SOX5: variants seen among roughly 807,000 people sequenced by gnomAD.
The protein encoded by SOX5 is SRY-box transcription factor 5.
In SOX5, 9 loss-of-function variants were observed where a neutral mutation model predicts 92.0. The ratio of observed to expected loss-of-function variants is 0.10; its 90% CI spans 0.06 to 0.17. The LOEUF (loss-of-function observed/expected upper bound fraction) is 0.17. Among genes scored for constraint, SOX5 ranks in the 10% least tolerant of loss-of-function variants. The probability of loss-of-function intolerance (pLI) is 1.00; values close to 1 mark genes in which losing one functional copy is unlikely to be tolerated. For missense variants in SOX5, 642 were observed against 944.5 expected (o/e 0.68, Z 4.20); for synonymous variants, 344 against 336.3 (o/e 1.02, Z -0.25).
At chr12:23,808,485 T>C (rs1281941732) in intron 3 of SOX5, among the ~76,000 whole-genome samples, 1 of 152,160 alleles carries the variant, frequency 6.6e-6, no homozygotes, top group African/African-American at 2.4e-5. Context: ...CAAATATTAA[T>C]TTAAAATAAC....
At position 24,085,331 on chromosome 12, in the gene SOX5, A is replaced by T. The variant is rs1224679425; in HGVS notation, c.-2+128012T>A. ...ACTCTGCTATATGTGCCCCAGATAC[A>T]CTATCTCAGTTCATTCTCACCATGG... On this transcript the variant is annotated intron_variant, in intron 4 of 4. Transcript: ENST00000446891. 2.6e-5 allele frequency among the ~76,000 whole-genome samples: 4 copies of T among 152,038 alleles called. 1 individual carries two copies. Among genetic ancestry groups the T allele is most frequent in the Admixed American group, 2.0e-4 (3 of 15,254 alleles).
At chr12:24,221,354 G>T (rs1021753117) in intron 3 of SOX5, among the ~76,000 whole-genome samples, 13 of 152,010 alleles carry the variant, frequency 8.6e-5, no homozygotes, top group African/African-American at 3.1e-4. Context: ...TTATAACCAT[G>T]TCTATTTTGT....
rs1290909755 is a variant in SOX5 at position 24,145,320 on chromosome 12, A to G, written c.-2+68023T>C. Among the ~76,000 whole-genome samples, 5 of 152,340 alleles carry G rather than the reference A, an allele frequency of 3.3e-5. No individual in the cohort carries two copies. In the East Asian group the frequency reaches 7.7e-4, roughly 23 times the overall value. On this transcript the variant is annotated intron_variant, in intron 4 of 4. Coordinates refer to the SOX5 transcript ENST00000446891. ...AAATAGAAAACAAATGCAAGATGGT[A>G]GATTTAAATCCAACCATGACAATAA...
chr12:24,240,747 C>A (rs1412027942), intron 3 of SOX5, among the ~76,000 whole-genome samples: 3 of 152,114 alleles, frequency 2.0e-5, no homozygotes, highest in Non-Finnish European at 4.4e-5. Flanking sequence ...AAATTCACTG[C>A]AAAGTTACAT....
chr12:23,933,089 G>T (rs1433460608), intron 1 of SOX5, among the ~76,000 whole-genome samples: 5 of 151,442 alleles, frequency 3.3e-5, no homozygotes, highest in Non-Finnish European at 7.4e-5. Context: ...ACATAGTTTT[G>T]CTTTCTGAAG....
intron 3 of SOX5, among the ~76,000 whole-genome samples, chr12:23,831,190 T>C (rs555384175): frequency 1.3e-5 from 2 of 152,232 alleles, no homozygotes; most frequent in Admixed American, 6.5e-5. Flanking sequence ...ACAAGTATCA[T>C]AGAAGGTGCA....
intron 1 of SOX5, among the ~76,000 whole-genome samples, chr12:24,460,083 T>C (rs1428842607): frequency 6.6e-6 from 1 of 152,194 alleles, no homozygotes; most frequent in African/African-American, 2.4e-5. Context: ...CCTATCTGTA[T>C]TGATATCAGA....
chr12:24,450,007 ACT>A (rs778331008), intron 1 of SOX5, among the ~76,000 whole-genome samples: 9 of 151,968 alleles, frequency 5.9e-5, no homozygotes, highest in Non-Finnish European at 1.2e-4. Flanking sequence ...CTTTTGACAC[ACT>A]CTCTGTAAAA....
chr12:24,372,228 G>A (rs558565062), intron 1 of SOX5, among the ~76,000 whole-genome samples: 9 of 152,206 alleles, frequency 5.9e-5, no homozygotes, highest in Middle Eastern at 3.4e-3. Context: ...TTGGTTTCCT[G>A]CACTCATCAA....
chr12:23,537,451 A>G (rs540779838), intron 13 of SOX5, among the ~76,000 whole-genome samples: 2 of 152,300 alleles, frequency 1.3e-5, no homozygotes, highest in Non-Finnish European at 2.9e-5. Context: ...TTGTGCTATA[A>G]TGTATGCCCT....
At position 24,461,799 on chromosome 12, in the gene SOX5, A is replaced by G. The variant is rs74443468; in HGVS notation, c.-250-93160T>C. The stretch of plus-strand genomic sequence containing the variant: ...TTCTCTTGAATAGCTTCAATGCTTT[A>G]AAGTTTATAATAACTACAAATCAAT... On this transcript the variant is annotated intron_variant, in intron 1 of 4. Transcript: ENST00000446891. 3.2e-3 allele frequency among the ~76,000 whole-genome samples: 484 copies of G among 151,772 alleles called. 4 individuals carry two copies. Among genetic ancestry groups the G allele is most frequent in the East Asian group, 0.013 (66 of 5,190 alleles).
At chr12:24,262,779 A>G (rs1942351741) in intron 3 of SOX5, among the ~76,000 whole-genome samples, 1 of 152,214 alleles carries the variant, frequency 6.6e-6, no homozygotes, top group South Asian at 2.1e-4. Context: ...CTCTGCAACA[A>G]CCAGCTTTCT....
intron 6 of SOX5, among the ~76,000 whole-genome samples, chr12:23,710,285 C>T (rs1333733473): frequency 1.3e-5 from 2 of 152,102 alleles, no homozygotes; most frequent in Non-Finnish European, 2.9e-5. Flanking sequence ...TACATGTGCA[C>T]AACGTGCAGG....
intron 1 of SOX5, among the ~76,000 whole-genome samples, chr12:24,394,310 G>A (rs780372941): frequency 1.3e-5 from 2 of 152,106 alleles, no homozygotes; most frequent in Non-Finnish European, 2.9e-5. Context: ...AGCACAGAGA[G>A]GTGCCAGGTA....
intron 1 of SOX5, among the ~76,000 whole-genome samples, chr12:24,469,447 T>C (rs950641426): frequency 1.3e-5 from 2 of 152,218 alleles, no homozygotes; most frequent in African/African-American, 4.8e-5. Flanking sequence ...TGCTCCTTTT[T>C]CTACAGCTCT....
At chr12:23,778,084 C>A (rs2095163705) in intron 3 of SOX5, among the ~76,000 whole-genome samples, 1 of 152,208 alleles carries the variant, frequency 6.6e-6, no homozygotes, top group African/African-American at 2.4e-5. Context: ...TGATAGTCTT[C>A]ATCATGGAAA....
At chr12:24,291,739 G>A (rs191480354) in intron 2 of SOX5, among the ~76,000 whole-genome samples, 71 of 152,250 alleles carry the variant, frequency 4.7e-4, no homozygotes, top group Admixed American at 4.4e-3. Context: ...TAGAAAGTGA[G>A]GTGACAAGTA....
chr12:23,697,787 G>C (rs1243561681), intron 6 of SOX5, among the ~76,000 whole-genome samples: 3 of 152,164 alleles, frequency 2.0e-5, no homozygotes. Flanking sequence ...CTGACCTCAA[G>C]AGATCTGCCT....
intron 4 of SOX5, among the ~76,000 whole-genome samples, chr12:24,072,918 G>T (rs1941994823): frequency 6.6e-6 from 1 of 152,018 alleles, no homozygotes; most frequent in African/African-American, 2.4e-5. Flanking sequence ...AGAAAACATA[G>T]ATAAGTCACA....
Sources: allele counts gnomAD v4.1 joint callset (sites outside exome capture counted in the v4.1 genomes callset), GRCh38; gene constraint gnomAD v4.1.1; transcripts MANE v1.5; gene names NCBI Gene and HGNC (gene_info 2026-07-23, HGNC 2026-07-21).